SLC9C1: variants seen among roughly 807,000 people sequenced by gnomAD.
SLC9C1 encodes solute carrier family 9 member C1, also known as sodium/hydrogen exchanger 10.
Under a neutral mutation model 140.9 loss-of-function variants are expected in SLC9C1, and 97 were observed. The observed-to-expected ratio is 0.69, with a 90% CI of 0.58 to 0.82. SLC9C1 has a LOEUF of 0.82. Ranked by LOEUF, SLC9C1 falls within the 40% of genes least tolerant of loss-of-function variation. SLC9C1 has a pLI of 0.00. For synonymous variants in SLC9C1, 440 were observed against 442.6 expected, an observed-to-expected ratio of 0.99 and a Z score of 0.07; for missense variants, 1,340 against 1,389.3, an observed-to-expected ratio of 0.96 and a Z score of 0.56.
In SLC9C1 at chr3:112,182,167, A is replaced by G; in HGVS notation, c.2615T>C (p.Leu872Pro). ...GTTTATATAATCTTTGTTTTTATCT[A>G]GCCACGGAATATGATATAGAACTTC... ...VEEVLYHIPW[L>P]DKNKDYINFI... Residue 872 changes from leucine to proline, a missense_variant, in exon 21 of 29, where the codon CTA (leucine) becomes CCA (proline). By Grantham distance (98) the Leu-to-Pro change is moderately conservative (BLOSUM62 -3). Coordinates refer to ENST00000305815, the MANE Select transcript of SLC9C1 (RefSeq NM_183061.3). 2 of 1,586,582 alleles carry G rather than the reference A, an allele frequency of 1.3e-6. No individual in the cohort carries two copies. The highest frequency in any genetic ancestry group is 8.6e-7 in the Non-Finnish European group (1 of 1,167,574).
intron 1 of SLC9C1, among the ~76,000 whole-genome samples, chr3:112,290,814 C>CTTTTTTTTTTTTT (rs11412854): frequency 1.4e-5 from 2 of 137,964 alleles, no homozygotes; most frequent in Non-Finnish European, 1.5e-5. Context: ...TCTTTTCCTT[C>CTTTTTTTTTTTTT]TTTTTTTTTT....
chr3:112,172,845 T>G (rs2077270966), intron 23 of SLC9C1, among the ~76,000 whole-genome samples: 1 of 152,120 alleles, frequency 6.6e-6, no homozygotes, highest in Non-Finnish European at 1.5e-5. Context: ...ATCACAATGG[T>G]TGATTTTCAA....
chr3:112,219,959 A>G (rs762921996), intron 14 of SLC9C1, among the ~76,000 whole-genome samples: 18 of 152,254 alleles, frequency 1.2e-4, no homozygotes, highest in Middle Eastern at 3.4e-3. Context: ...CCACTGTACA[A>G]TGTGCACCTT....
chr3:112,174,428 C>G (rs2077299230), intron 23 of SLC9C1, among the ~76,000 whole-genome samples: 1 of 152,114 alleles, frequency 6.6e-6, no homozygotes, highest in South Asian at 2.1e-4. Flanking sequence ...TTGGGTGTAG[C>G]CCTCAGGCTC....
intron 7 of SLC9C1, 79 bp downstream of exon 7, chr3:112,269,837 G>A: frequency 1.6e-6 from 2 of 1,240,644 alleles, no homozygotes; most frequent in Non-Finnish European, 1.1e-6. Flanking sequence ...ACTAACTTTT[G>A]CCTGGTATGC....
intron 17 of SLC9C1, 24 bp downstream of exon 17, chr3:112,204,194 T>C (rs748734856): frequency 6.9e-7 from 1 of 1,445,710 alleles, no homozygotes; most frequent in South Asian, 1.6e-5. Flanking sequence ...GAATTAGAAA[T>C]TGCACGATTT....
At position 112,206,771 on chromosome 3, in the gene SLC9C1, C is replaced by T. The variant is rs146327538; in HGVS notation, c.1986+1407G>A. On this transcript the variant is annotated intron_variant, in intron 16 of 28. Transcript: ENST00000305815. ...GAAAACCAAACACCACATATTCTCA[C>T]TCGTAGGTGGGATGTGAACAATCAG... Among the ~76,000 whole-genome samples the T allele has an allele frequency of 6.8e-3, 1,036 of 151,262 alleles. 13 individuals are homozygous for T. Among genetic ancestry groups the T allele is most frequent in the African/African-American group, 0.023 (954 of 41,134 alleles).
At chr3:112,269,121 C>T (rs79662370) in intron 7 of SLC9C1, among the ~76,000 whole-genome samples, 15,851 of 152,142 alleles carry the variant, frequency 0.1, 884 homozygotes, top group East Asian at 0.2. Flanking sequence ...GCCCCCGCTC[C>T]GCCTTTTTGT....
chr3:112,141,306 A>G lies in SLC9C1; in HGVS notation c.3525-25T>C, dbSNP rs9843450. 2.1e-3 allele frequency: 3,271 copies of G among 1,576,976 alleles called. 58 individuals are homozygous for G. The African/African-American group carries it at 0.038, about 18-fold the overall frequency. On this transcript the variant is annotated intron_variant, in intron 28 of 28. Transcript: ENST00000305815. ...CCTAATAGAAGCGGAAAGAAAAAAC[A>G]AAAACATAGAGGGCTTTTGAATCTT... is the stretch of plus-strand genomic sequence containing the variant.
At chr3:112,184,959 A>G (rs1471054045) in intron 20 of SLC9C1, among the ~76,000 whole-genome samples, 1 of 152,120 alleles carries the variant, frequency 6.6e-6, no homozygotes, top group African/African-American at 2.4e-5. Context: ...CACAGAGCAC[A>G]TTAGAAAGGG....
At chr3:112,183,669 A>C (rs2077484271) in intron 20 of SLC9C1, among the ~76,000 whole-genome samples, 1 of 120,820 alleles carries the variant, frequency 8.3e-6, no homozygotes, top group South Asian at 3.0e-4. Context: ...GTATTCACGC[A>C]TGGGGGGCAG....
intron 9 of SLC9C1, 38 bp from the exon 10 acceptor site, chr3:112,263,136 A>T (rs1360641453): frequency 2.7e-6 from 4 of 1,508,994 alleles, no homozygotes; most frequent in Non-Finnish European, 1.8e-6. Context: ...TTATTCTTTC[A>T]TATGAGTTTC....
chr3:112,239,623 C>T (rs1291856114), intron 12 of SLC9C1, among the ~76,000 whole-genome samples: 4 of 152,106 alleles, frequency 2.6e-5, no homozygotes, highest in Non-Finnish European at 5.9e-5. Flanking sequence ...ATATTTTAAA[C>T]ATATATATTC....
Position 112,204,329 on chromosome 3 carries a change from G to A in SLC9C1, c.2061C>T (p.Ile687=), listed in dbSNP as rs909760321. ...IFELAITLIG[I]LHVILIEIDT... is the part of the protein sequence containing the mutation. The stretch of plus-strand genomic sequence containing the variant: ...CTATTTCAATAAGTATTACATGTAA[G>A]ATGCCAATTAATGTAATTGCTAACT... The change falls in exon 17 of 29, where the codon ATC becomes ATT. Residue 687 remains isoleucine (I), a synonymous_variant. Coordinates refer to ENST00000305815, the MANE Select transcript of SLC9C1 (RefSeq NM_183061.3). The A allele has an allele frequency of 2.5e-6, 4 of 1,573,338 alleles. No individual in the cohort carries two copies. The highest frequency in any genetic ancestry group is 1.4e-5 in the African/African-American group (1 of 72,286).
chr3:112,144,121 A>G (rs997714956), intron 28 of SLC9C1, among the ~76,000 whole-genome samples: 1 of 147,894 alleles, frequency 6.8e-6, no homozygotes. Context: ...CTGTTTTTGT[A>G]CCAGTACCAT....
intron 17 of SLC9C1, 23 bp downstream of exon 17, chr3:112,204,195 T>C (rs768196882): frequency 2.7e-5 from 39 of 1,446,238 alleles, no homozygotes; most frequent in South Asian, 1.8e-4. Flanking sequence ...AATTAGAAAT[T>C]GCACGATTTA....
At chr3:112,192,129 G>T (rs1413891888) in intron 20 of SLC9C1, among the ~76,000 whole-genome samples, 3 of 150,860 alleles carry the variant, frequency 2.0e-5, no homozygotes, top group Admixed American at 6.6e-5. Context: ...TATTTTAAAT[G>T]GCTAAGGCTC....
chr3:112,161,256 C>T (rs1347812144), intron 26 of SLC9C1, among the ~76,000 whole-genome samples: 38 of 152,216 alleles, frequency 2.5e-4, no homozygotes, highest in African/African-American at 6.7e-4. Flanking sequence ...TTTTGCTGTG[C>T]GGAAGCTCTT....
chr3:112,156,875 T>G (rs2075140987), intron 26 of SLC9C1, among the ~76,000 whole-genome samples: 1 of 152,088 alleles, frequency 6.6e-6, no homozygotes, highest in Non-Finnish European at 1.5e-5. Flanking sequence ...AATCAAGTAC[T>G]TGTGTTTTTG....
Sources: allele counts gnomAD v4.1 joint callset (sites outside exome capture counted in the v4.1 genomes callset), GRCh38; gene constraint gnomAD v4.1.1; transcripts MANE v1.5; gene names NCBI Gene and HGNC (gene_info 2026-07-23, HGNC 2026-07-21).